The following MICAL2 variants were observed in gnomAD, a reference collection of about 807,000 sequenced individuals.
MICAL2 encodes the protein [F-actin]-monooxygenase MICAL2.
Under a neutral mutation model 127.3 loss-of-function variants are expected in MICAL2, and 77 were observed. That is an observed-to-expected ratio of 0.60 (90% CI 0.50 to 0.73). The LOEUF is 0.73. Ranked by LOEUF, MICAL2 falls within the 30% of genes least tolerant of loss-of-function variation. The pLI is 0.00. For missense variants in MICAL2, 1,351 were observed against 1,434.4 expected (o/e 0.94, Z 0.94); for synonymous variants, 570 against 551.1 (o/e 1.03, Z -0.48).
intron 32 of MICAL2, among the ~76,000 whole-genome samples, chr11:12,337,239 G>A (rs954636854): frequency 3.6e-4 from 55 of 152,198 alleles, no homozygotes; most frequent in Non-Finnish European, 6.9e-4. Flanking sequence ...GTTTATTTGC[G>A]TAGAGGTGTT....
chr11:12,252,113 GC>G (rs955809270), intron 22 of MICAL2, among the ~76,000 whole-genome samples: 1 of 152,110 alleles, frequency 6.6e-6, no homozygotes, highest in Non-Finnish European at 1.5e-5. Flanking sequence ...CTCCCACAAA[GC>G]CCAGGAAGTC....
chr11:12,160,266 T>C (rs890662391), intron 2 of MICAL2, among the ~76,000 whole-genome samples: 1 of 152,202 alleles, frequency 6.6e-6, no homozygotes, highest in East Asian at 1.9e-4. Flanking sequence ...TTGCATGTGC[T>C]GTTCTTCCCC....
At chr11:12,314,628 G>A (rs555193281) in intron 29 of MICAL2, among the ~76,000 whole-genome samples, 6 of 143,954 alleles carry the variant, frequency 4.2e-5, no homozygotes, top group East Asian at 4.1e-4. Flanking sequence ...ACAGGCGCCC[G>A]CCACCATGCC....
chr11:12,245,239 T>C (rs573511039), intron 21 of MICAL2, among the ~76,000 whole-genome samples: 186 of 152,328 alleles, frequency 1.2e-3, no homozygotes, highest in African/African-American at 4.3e-3. Flanking sequence ...CCACCAACTG[T>C]GCTTCTCTGT....
At chr11:12,305,083 C>T (rs1864093385) in intron 29 of MICAL2, among the ~76,000 whole-genome samples, 1 of 152,084 alleles carries the variant, frequency 6.6e-6, no homozygotes, top group Non-Finnish European at 1.5e-5. Flanking sequence ...CCAGTGGATA[C>T]CTGAAACCAT....
intron 9 of MICAL2, among the ~76,000 whole-genome samples, 197 bp from the exon 10 acceptor site, chr11:12,221,447 C>A (rs1258773966): frequency 6.6e-6 from 1 of 152,234 alleles, no homozygotes; most frequent in Non-Finnish European, 1.5e-5. Flanking sequence ...CGTCATAGCA[C>A]CCTTTACATT....
intron 13 of MICAL2, 60 bp from the exon 14 acceptor site, chr11:12,226,111 C>T (rs968663776): frequency 8.4e-6 from 13 of 1,552,952 alleles, no homozygotes; most frequent in Admixed American, 3.3e-5. Flanking sequence ...TGAAGGTGCT[C>T]AGCTCGCCAC....
At chr11:12,332,748 T>C (rs1938664595) in intron 32 of MICAL2, among the ~76,000 whole-genome samples, 1 of 152,154 alleles carries the variant, frequency 6.6e-6, no homozygotes, top group Non-Finnish European at 1.5e-5. Context: ...GCAGCTTTTA[T>C]AGCAAGCAGT....
Position 12,111,346 on chromosome 11 carries a change from TCTCG to T in MICAL2, c.-149+624_-149+627del, listed in dbSNP as rs1190735047. Among the ~76,000 whole-genome samples the T allele has an allele frequency of 5.9e-5, 9 of 152,204 alleles. No homozygotes were observed. In the East Asian group the frequency reaches 1.7e-3, roughly 29 times the overall value. On this transcript the variant is annotated intron_variant, in intron 1 of 27. Coordinates refer to ENST00000683283, the MANE Select transcript of MICAL2 (RefSeq NM_001282663.2). Reference sequence around the variant, plus strand: ...GTCTCCCGCATCCCCAGTAGCCCGCTCTCGCTCCAGGCCCAGGAGCACCCCCGCA... The same window carrying T: ...GTCTCCCGCATCCCCAGTAGCCCGCTCTCCAGGCCCAGGAGCACCCCCGCA...
chr11:12,350,131 C>T (rs887128083), intron 33 of MICAL2, among the ~76,000 whole-genome samples: 1 of 152,224 alleles, frequency 6.6e-6, no homozygotes, highest in South Asian at 2.1e-4. Flanking sequence ...TCTGTTCTTT[C>T]TCTCTGCAGA....
intron 2 of MICAL2, among the ~76,000 whole-genome samples, chr11:12,153,585 G>A (rs1042546626): frequency 7.2e-5 from 11 of 151,908 alleles, no homozygotes; most frequent in African/African-American, 2.2e-4. Flanking sequence ...TTACAGGCAC[G>A]TGCCACCACA....
At chr11:12,319,798 C>T (rs1376029458) in exon 30 of MICAL2, 31 of 1,613,944 alleles carry the variant, frequency 1.9e-5, no homozygotes, top group Non-Finnish European at 2.5e-5. Context: ...CCCCAGCTTT[C>T]CTTGCAGTTA....
intron 15 of MICAL2, among the ~76,000 whole-genome samples, chr11:12,230,030 A>G (rs1858013489): frequency 6.6e-6 from 1 of 152,196 alleles, no homozygotes; most frequent in Non-Finnish European, 1.5e-5. Context: ...TGGGTGGGTT[A>G]GGTTGTTTCG....
intron 31 of MICAL2, among the ~76,000 whole-genome samples, chr11:12,326,262 G>A (rs1864352514): frequency 6.6e-6 from 1 of 152,200 alleles, no homozygotes; most frequent in Non-Finnish European, 1.5e-5. Flanking sequence ...CCTTGAATAT[G>A]CCTGTTCTGC....
At position 12,255,620 on chromosome 11, in the gene MICAL2, C is replaced by G. The variant is rs750676161; in HGVS notation, c.2848-23C>G. 4 of 1,610,172 alleles carry G rather than the reference C, an allele frequency of 2.5e-6. No homozygotes were observed. In the Admixed American group the frequency reaches 5.0e-5, roughly 20 times the overall value. On this transcript the variant is annotated intron_variant, in intron 22 of 27. Transcript: ENST00000683283. ...CTGGCCTCTACCTTTGTCTCTGTCT[C>G]CTCTGCCTCTGCTCTTGGTTAGCTG...
At chr11:12,209,647 A>C in intron 6 of MICAL2, 49 bp downstream of exon 6, 1 of 1,504,056 alleles carries the variant, frequency 6.6e-7, no homozygotes, top group Non-Finnish European at 9.3e-7. Flanking sequence ...GGAATGGGAG[A>C]GGGTACATTG....
intron 2 of MICAL2, among the ~76,000 whole-genome samples, chr11:12,141,064 G>A (rs1037670998): frequency 1.3e-5 from 2 of 152,110 alleles, no homozygotes; most frequent in Non-Finnish European, 2.9e-5. Context: ...CATGGGCTCC[G>A]GGAGGCAGTT....
At chr11:12,237,924 A>G (rs911420527) in intron 16 of MICAL2, among the ~76,000 whole-genome samples, 26 of 152,198 alleles carry the variant, frequency 1.7e-4, no homozygotes, top group African/African-American at 6.0e-4. Context: ...TTGGTCTTGT[A>G]CAAATAGTGA....
intron 3 of MICAL2, among the ~76,000 whole-genome samples, chr11:12,194,701 G>A (rs17477837): frequency 0.077 from 11,677 of 151,942 alleles, 556 homozygotes; most frequent in Admixed American, 0.14. Context: ...GAAGAAGATC[G>A]CTGGCCAGAT....
Sources: gnomAD v4.1 joint callset for allele counts (sites outside exome capture counted in the v4.1 genomes callset) on GRCh38, gnomAD v4.1.1 for gene constraint, MANE v1.5 for transcripts, NCBI Gene and HGNC (gene_info 2026-07-23, HGNC 2026-07-21) for gene names.